The following WAPL variants were observed in gnomAD, a reference collection of about 807,000 sequenced individuals.
WAPL encodes wings apart-like protein homolog.
WAPL carries 5 observed loss-of-function variants against 121.0 expected under a neutral mutation model. The ratio of observed to expected loss-of-function variants is 0.04; its 90% confidence interval spans 0.02 to 0.09. The LOEUF is 0.09. Among genes scored for constraint, WAPL ranks in the 10% least tolerant of loss-of-function variants. The pLI is 1.00. For missense variants in WAPL, 999 were observed against 1,410.8 expected, an observed-to-expected ratio of 0.71 and a Z score of 4.68; for synonymous variants, 480 against 481.5, an observed-to-expected ratio of 1.00 and a Z score of 0.04.
chr10:86,508,064 T>A (rs915085974), intron 2 of WAPL, among the ~76,000 whole-genome samples: 2 of 152,172 alleles, frequency 1.3e-5, no homozygotes, highest in Admixed American at 6.5e-5. Flanking sequence ...GAAAAAAACA[T>A]ACACACTAGG....
chr10:86,467,026 G>T, intron 9 of WAPL: 1 of 385,352 alleles, frequency 2.6e-6, no homozygotes, highest in Non-Finnish European at 4.7e-6. Context: ...AAAATAAAGA[G>T]AAAAGGATTA....
chr10:86,496,233 A>T (rs1842146461), intron 4 of WAPL, among the ~76,000 whole-genome samples: 1 of 152,240 alleles, frequency 6.6e-6, no homozygotes, highest in South Asian at 2.1e-4. Context: ...GTGCAAATCA[A>T]ACCACAATGA....
At chr10:86,440,874 C>G (rs1447510787) in intron 17 of WAPL, among the ~76,000 whole-genome samples, 1 of 58,860 alleles carries the variant, frequency 1.7e-5, no homozygotes, top group Non-Finnish European at 3.1e-5. Flanking sequence ...GACTTAGATA[C>G]ACAAAGTGAA....
intron 4 of WAPL, among the ~76,000 whole-genome samples, chr10:86,496,721 T>C (rs891513121): frequency 4.6e-5 from 7 of 152,198 alleles, no homozygotes; most frequent in Non-Finnish European, 7.3e-5. Context: ...AAAAGACAGA[T>C]GTAACCTTAG....
At position 86,472,545 on chromosome 10, in the gene WAPL, T is replaced by C. The variant is rs1841556320; in HGVS notation, c.1893+67A>G. 3.2e-6 allele frequency: 5 copies of C among 1,578,896 alleles called. No individual in the cohort carries two copies. The highest frequency in any genetic ancestry group is 1.4e-5 in the African/African-American group (1 of 73,310). Reference sequence around the variant, plus strand: ...AGTATACTGATATTTGTTGAAGATATTAAATGGCTAAATGTTACATACAAA... The same window carrying C: ...AGTATACTGATATTTGTTGAAGATACTAAATGGCTAAATGTTACATACAAA... On this transcript the variant is annotated intron_variant, in intron 6 of 18. Transcript: ENST00000298767. The surrounding 1 kb of genome is among the most constrained non-coding windows in gnomAD (Gnocchi z 4.2).
At chr10:86,453,528 CAT>C (rs1445447906) in intron 13 of WAPL, 126 bp downstream of exon 13, 4 of 1,250,580 alleles carry the variant, frequency 3.2e-6, no homozygotes, top group African/African-American at 3.0e-5. Context: ...TAAACCTACA[CAT>C]GAGTAAGTCA....
intron 2 of WAPL, among the ~76,000 whole-genome samples, chr10:86,515,025 C>G (rs544500836): frequency 1.3e-5 from 2 of 152,208 alleles, no homozygotes; most frequent in South Asian, 4.1e-4. Context: ...TTGGGGAGGC[C>G]AAGGCGGGTG....
At chr10:86,493,800 G>A (rs542445980) in intron 4 of WAPL, among the ~76,000 whole-genome samples, 33 of 152,002 alleles carry the variant, frequency 2.2e-4, no homozygotes, top group African/African-American at 6.5e-4. Context: ...CCAGGAGTTC[G>A]ACACCAGCCT....
At chr10:86,443,138 C>T in intron 17 of WAPL, 137 bp downstream of exon 17, 4 of 576,262 alleles carry the variant, frequency 6.9e-6, no homozygotes, top group Non-Finnish European at 1.2e-5. Context: ...TATAATCAGC[C>T]AATAGCCTTT....
At chr10:86,445,434 A>G (rs764469897) in intron 16 of WAPL, among the ~76,000 whole-genome samples, 26 of 152,234 alleles carry the variant, frequency 1.7e-4, no homozygotes, top group Non-Finnish European at 2.6e-4. Flanking sequence ...GCTATTTTGC[A>G]GAACTTGTAT....
chr10:86,497,707 G>T (rs569172702), intron 3 of WAPL, among the ~76,000 whole-genome samples: 1 of 152,142 alleles, frequency 6.6e-6, no homozygotes, highest in Non-Finnish European at 1.5e-5. Context: ...GTATCTACCT[G>T]TAACATTTTT....
intron 16 of WAPL, among the ~76,000 whole-genome samples, chr10:86,444,702 T>C (rs1305315825): frequency 2.0e-5 from 3 of 151,396 alleles, no homozygotes; most frequent in African/African-American, 4.8e-5. Context: ...TGCTAATGGG[T>C]ATTGGGTTCC....
intron 4 of WAPL, among the ~76,000 whole-genome samples, chr10:86,484,282 G>A (rs1841876806): frequency 6.6e-6 from 1 of 152,164 alleles, no homozygotes; most frequent in Non-Finnish European, 1.5e-5. Flanking sequence ...GATTGCTTGA[G>A]CCCAGGAGTT....
chr10:86,443,698 ACAACT>A (rs1564560429), intron 16 of WAPL: 2 of 211,570 alleles, frequency 9.5e-6, no homozygotes, highest in Non-Finnish European at 1.9e-5. Flanking sequence ...AAACATTCTT[ACAACT>A]CAACAACAAA....
chr10:86,518,995 ATATTTTCTGGGGCTAGTG>A (rs1334392095), intron 1 of WAPL, among the ~76,000 whole-genome samples: 7 of 152,194 alleles, frequency 4.6e-5, no homozygotes, highest in Non-Finnish European at 1.0e-4. Context: ...TTGCTGAGTT[ATATTTTCTGGGGCTAGTG>A]AGCTCCAGCA....
chr10:86,487,706 CG>C, intron 4 of WAPL, among the ~76,000 whole-genome samples: 1 of 152,122 alleles, frequency 6.6e-6, no homozygotes, highest in Non-Finnish European at 1.5e-5. Context: ...CTGGCTAACA[CG>C]GTGAAACCCC....
intron 4 of WAPL, among the ~76,000 whole-genome samples, chr10:86,484,086 A>ATATAAAGAAT (rs1841871373): frequency 6.6e-6 from 1 of 152,188 alleles, no homozygotes; most frequent in South Asian, 2.1e-4. Flanking sequence ...CGGAATAAAG[A>ATATAAAGAAT]TATAAAGAAT....
At chr10:86,518,134 A>G in intron 1 of WAPL, 43 bp from the exon 2 acceptor site, 1 of 1,530,446 alleles carries the variant, frequency 6.5e-7, no homozygotes, top group Non-Finnish European at 8.8e-7. Context: ...ATCAAATACA[A>G]GTGTTAAACA....
chr10:86,447,597 A>G (rs1367014593), intron 15 of WAPL, among the ~76,000 whole-genome samples: 1 of 152,212 alleles, frequency 6.6e-6, no homozygotes, highest in Non-Finnish European at 1.5e-5. Flanking sequence ...ACTCTTATAA[A>G]AAAAAAAAGT....
Sources: allele counts gnomAD v4.1 joint callset (sites outside exome capture counted in the v4.1 genomes callset), GRCh38; gene constraint gnomAD v4.1.1; non-coding constraint Gnocchi (gnomAD v3.1); transcripts MANE v1.5; gene names NCBI Gene and HGNC (gene_info 2026-07-23, HGNC 2026-07-21).